Variants in RBMS3 observed in about 807,000 individuals in gnomAD.
RBMS3 encodes the protein RNA binding motif single stranded interacting protein 3.
In RBMS3, 27 loss-of-function variants were observed where a neutral mutation model predicts 66.8. The observed-to-expected ratio is 0.40, with a 90% CI of 0.30 to 0.56. RBMS3 has a LOEUF of 0.56. Ranked by LOEUF, RBMS3 falls within the 20% of genes least tolerant of loss-of-function variation. The probability of loss-of-function intolerance (pLI) is 0.40; values close to 1 mark genes in which losing one functional copy is unlikely to be tolerated. For synonymous variants in RBMS3, 188 were observed against 183.0 expected (o/e 1.03, Z -0.22); for missense variants, 513 against 549.5 (o/e 0.93, Z 0.66).
At chr3:29,497,352 C>G (rs1167516119) in intron 3 of RBMS3, among the ~76,000 whole-genome samples, 3 of 152,134 alleles carry the variant, frequency 2.0e-5, no homozygotes. Context: ...TATAAAACAG[C>G]TTAAAAATAA....
chr3:29,926,174 A>G (rs1191359971), intron 10 of RBMS3, among the ~76,000 whole-genome samples: 1 of 152,214 alleles, frequency 6.6e-6, no homozygotes, highest in African/African-American at 2.4e-5. Flanking sequence ...AATAGGGTAT[A>G]TACTGAGTTT....
intron 3 of RBMS3, among the ~76,000 whole-genome samples, chr3:29,489,268 A>T (rs367938279): frequency 9.8e-5 from 15 of 152,308 alleles, no homozygotes; most frequent in African/African-American, 3.4e-4. Flanking sequence ...TCTATTTCAT[A>T]TACAAACATA....
intron 3 of RBMS3, among the ~76,000 whole-genome samples, chr3:29,545,668 G>T (rs1157043200): frequency 6.6e-6 from 1 of 152,214 alleles, no homozygotes; most frequent in African/African-American, 2.4e-5. Context: ...TGTCTTAAGA[G>T]AAAATAAAAG....
chr3:29,621,502 G>T (rs967583070), intron 4 of RBMS3, among the ~76,000 whole-genome samples: 12 of 152,128 alleles, frequency 7.9e-5, no homozygotes, highest in Non-Finnish European at 1.6e-4. Context: ...ATCAAATAAT[G>T]AATGTAAAAG....
rs553179866 is a variant in RBMS3, at chr3:29,801,272, C to CTTTTTTTCT, written c.637+38290_637+38291insCTTTTTTTT. Among the ~76,000 whole-genome samples, 19 of 129,468 alleles carry CTTTTTTTCT rather than the reference C, an allele frequency of 1.5e-4. 3 individuals are homozygous for CTTTTTTTCT. The highest frequency in any genetic ancestry group is 2.1e-4 in the Non-Finnish European group (13 of 61,792). The allele number at this position is 129,468 out of a possible 152,430, so 84.9% of individuals were successfully genotyped here. On this transcript the variant is annotated intron_variant, in intron 6 of 14. Transcript: ENST00000383767. ...AACTTGAAGAATCATTGCTTTTTTT[C>CTTTTTTTCT]TTTTTTTTTTTTTGAGACAAAGTCT... is the stretch of plus-strand genomic sequence containing the variant.
intron 3 of RBMS3, among the ~76,000 whole-genome samples, chr3:29,549,651 C>A (rs1171310811): frequency 2.0e-5 from 3 of 152,062 alleles, no homozygotes; most frequent in Non-Finnish European, 4.4e-5. Context: ...TCGCTCGCTT[C>A]AGCCTCCCAA....
rs140661405 is a variant in RBMS3 at position 29,932,704 on chromosome 3, G to T, written c.940-3382G>T. 7.2e-3 allele frequency among the ~76,000 whole-genome samples: 1,103 copies of T among 152,278 alleles called. 14 individuals carry two copies. Among genetic ancestry groups the T allele is most frequent in the African/African-American group, 0.025 (1,040 of 41,558 alleles). On this transcript the variant is annotated intron_variant, in intron 10 of 14. Transcript: ENST00000383767. ...GATTTGCCAATGGTTTTGTATTTCA[G>T]TTGGGAAATTAAAATATTGAACTTT...
intron 3 of RBMS3, among the ~76,000 whole-genome samples, chr3:29,500,198 T>C (rs2043914767): frequency 6.6e-6 from 1 of 150,952 alleles, no homozygotes; most frequent in African/African-American, 2.4e-5. Context: ...TGACGAGGGG[T>C]TCAAAGTGAG....
At chr3:29,321,223 C>G (rs2034991676) in intron 1 of RBMS3, among the ~76,000 whole-genome samples, 1 of 151,964 alleles carries the variant, frequency 6.6e-6, no homozygotes, top group Admixed American at 6.6e-5. Flanking sequence ...ATATTAGTCC[C>G]TTTCATTGAA....
At chr3:29,599,843 ACT>A (rs1345632051) in intron 4 of RBMS3, among the ~76,000 whole-genome samples, 1 of 151,938 alleles carries the variant, frequency 6.6e-6, no homozygotes, top group Admixed American at 6.6e-5. Context: ...GCACAGAAAG[ACT>A]CTCCATTTGA....
intron 1 of RBMS3, among the ~76,000 whole-genome samples, chr3:29,395,641 T>G (rs549778671): frequency 2.3e-4 from 35 of 152,310 alleles, no homozygotes; most frequent in African/African-American, 8.4e-4. Context: ...AAGTAACCAT[T>G]GTTTTCAAGT....
intron 1 of RBMS3, among the ~76,000 whole-genome samples, chr3:29,360,357 T>C (rs1217971512): frequency 6.6e-6 from 1 of 152,048 alleles, no homozygotes; most frequent in African/African-American, 2.4e-5. Context: ...TTGAGTGGTT[T>C]TGAGTGAGTT....
At chr3:29,794,863 G>C (rs1373614214) in intron 6 of RBMS3, among the ~76,000 whole-genome samples, 1 of 152,152 alleles carries the variant, frequency 6.6e-6, no homozygotes, top group Non-Finnish European at 1.5e-5. Context: ...ATTTGCTAAA[G>C]GGTTGGGAGA....
chr3:29,358,959 G>C (rs1369091381), intron 1 of RBMS3, among the ~76,000 whole-genome samples: 1 of 152,208 alleles, frequency 6.6e-6, no homozygotes, highest in African/African-American at 2.4e-5. Flanking sequence ...GAGATGATGG[G>C]GTTTTCTAGA....
rs562402598 is a variant in RBMS3 at position 29,446,973 on chromosome 3, G to C, written c.248+12058G>C. Among the ~76,000 whole-genome samples, 130 of 136,656 alleles carry C rather than the reference G, an allele frequency of 9.5e-4. 1 individual carries two copies. The highest frequency in any genetic ancestry group is 3.4e-3 in the African/African-American group (125 of 36,696). 89.7% of individuals were successfully genotyped at this position (136,656 alleles called of 152,430 possible). On this transcript the variant is annotated intron_variant, in intron 2 of 14. Coordinates refer to ENST00000383767, the MANE Select transcript of RBMS3 (RefSeq NM_001003793.3). ...CTTGTTGCCCAGGCTGGAGTTCGTGGTGCCATCTTGGCTCACTGCACCTCC... is the reference window on the plus strand; with the variant it reads ...CTTGTTGCCCAGGCTGGAGTTCGTGCTGCCATCTTGGCTCACTGCACCTCC...
At chr3:29,671,035 C>T (rs892739535) in intron 4 of RBMS3, among the ~76,000 whole-genome samples, 1 of 152,130 alleles carries the variant, frequency 6.6e-6, no homozygotes, top group Non-Finnish European at 1.5e-5. Context: ...AGGCCGAGTG[C>T]CCCTCTGAGA....
intron 1 of RBMS3, among the ~76,000 whole-genome samples, chr3:29,403,247 C>G (rs1308275712): frequency 1.3e-5 from 2 of 151,922 alleles, no homozygotes; most frequent in African/African-American, 2.4e-5. Flanking sequence ...CTTGACCACA[C>G]CTAAGCTAAG....
rs1289537892 is a variant in RBMS3 at position 29,388,986 on chromosome 3, A to C, written c.76-45757A>C. ...CAGTTTGCCTCAGTATTGATTTGAG[A>C]ATTTGAGAGGAATCATCTCTTGATT... On this transcript the variant is annotated intron_variant, in intron 1 of 14. Coordinates refer to ENST00000383767, the MANE Select transcript of RBMS3 (RefSeq NM_001003793.3). Among the ~76,000 whole-genome samples, 3 of 152,194 alleles carry C rather than the reference A, an allele frequency of 2.0e-5. No individual in the cohort carries two copies. The South Asian group carries it at 6.2e-4, about 31-fold the overall frequency.
intron 14 of RBMS3, among the ~76,000 whole-genome samples, chr3:30,003,375 A>C (rs1283938451): frequency 1.3e-5 from 2 of 152,032 alleles, no homozygotes; most frequent in Non-Finnish European, 2.9e-5. Flanking sequence ...GGAATGAACA[A>C]GAAAGTAGAG....
Sources: allele counts gnomAD v4.1 joint callset (sites outside exome capture counted in the v4.1 genomes callset), GRCh38; gene constraint gnomAD v4.1.1; transcripts MANE v1.5; gene names NCBI Gene and HGNC (gene_info 2026-07-23, HGNC 2026-07-21).